The following UBE2L3 variants were observed in gnomAD, a reference collection of about 807,000 sequenced individuals.
UBE2L3 encodes ubiquitin conjugating enzyme E2 L3.
UBE2L3 carries 1 observed loss-of-function variant against 17.8 expected under a neutral mutation model. The observed-to-expected ratio is 0.06, with a 90% CI of 0.02 to 0.27. UBE2L3 has a LOEUF of 0.27. Among genes scored for constraint, UBE2L3 ranks in the 10% least tolerant of loss-of-function variants. UBE2L3 has a pLI of 1.00. For synonymous variants in UBE2L3, 44 were observed against 68.5 expected (o/e 0.64, Z 1.76); for missense variants, 40 against 192.6 (o/e 0.21, Z 4.69).
At chr22:21,615,288 G>T (rs1929704004) in intron 3 of UBE2L3, among the ~76,000 whole-genome samples, 3 of 152,142 alleles carry the variant, frequency 2.0e-5, no homozygotes, top group Non-Finnish European at 1.5e-5. Context: ...GGGCGCGGTG[G>T]CTCACGCCTG....
intron 2 of UBE2L3, among the ~76,000 whole-genome samples, chr22:21,597,014 T>G (rs1928564474): frequency 6.6e-6 from 1 of 151,846 alleles, no homozygotes; most frequent in Non-Finnish European, 1.5e-5. Context: ...GGTCTCACTC[T>G]GTTGCCCAGG....
At chr22:21,616,721 G>A (rs738128) in intron 3 of UBE2L3, among the ~76,000 whole-genome samples, 46,536 of 150,778 alleles carry the variant, frequency 0.31, 8,281 homozygotes, top group East Asian at 0.51. Context: ...GCTACTTGGG[G>A]GGCAAAAAAA....
intron 2 of UBE2L3, among the ~76,000 whole-genome samples, chr22:21,601,490 T>G (rs1399162209): frequency 6.6e-6 from 1 of 151,528 alleles, no homozygotes; most frequent in Non-Finnish European, 1.5e-5. Flanking sequence ...TTTTTTTGTA[T>G]TTTTAGTAGA....
intron 3 of UBE2L3, among the ~76,000 whole-genome samples, chr22:21,618,497 G>A (rs938482492): frequency 2.0e-4 from 30 of 151,982 alleles, no homozygotes; most frequent in African/African-American, 7.2e-4. Context: ...CCTGGGAGGC[G>A]GAGCTTGCAG....
chr22:21,562,662 C>T (rs1403411502), intron 1 of UBE2L3, among the ~76,000 whole-genome samples: 3 of 148,126 alleles, frequency 2.0e-5, no homozygotes, highest in Non-Finnish European at 4.5e-5. Flanking sequence ...TGAGCCACCA[C>T]GCCTGGGCTT....
upstream of UBE2L3, among the ~76,000 whole-genome samples, chr22:21,562,911 G>A (rs1338708462): frequency 6.6e-6 from 1 of 151,634 alleles, no homozygotes; most frequent in Non-Finnish European, 1.5e-5. Context: ...GGAGCAGAAG[G>A]GCCTGGTAGT....
intron 1 of UBE2L3, among the ~76,000 whole-genome samples, chr22:21,590,654 A>G (rs149400379): frequency 1.2e-3 from 185 of 152,012 alleles, no homozygotes; most frequent in Middle Eastern, 6.8e-3. Context: ...TGTGTGGCAT[A>G]TTTTTTTCCT....
At chr22:21,576,295 G>GA (rs1039846754) in intron 1 of UBE2L3, among the ~76,000 whole-genome samples, 16 of 144,164 alleles carry the variant, frequency 1.1e-4, no homozygotes, top group Non-Finnish European at 2.0e-4. Flanking sequence ...TTGCATTTTT[G>GA]TTTTTTTTTG....
chr22:21,583,515 C>T (rs2148413224), intron 1 of UBE2L3, among the ~76,000 whole-genome samples: 1 of 152,316 alleles, frequency 6.6e-6, no homozygotes, highest in Non-Finnish European at 1.5e-5. Context: ...ACTGCTGTGA[C>T]ATCTGAAGCA....
chr22:21,557,781 A>G (rs1388122834), intron 1 of UBE2L3, among the ~76,000 whole-genome samples: 2 of 152,380 alleles, frequency 1.3e-5, no homozygotes, highest in Admixed American at 1.3e-4. Context: ...TTGGCCTTCC[A>G]AAGTGCTGGG....
chr22:21,610,181 T>C (rs1370524199), intron 2 of UBE2L3, among the ~76,000 whole-genome samples: 1 of 152,118 alleles, frequency 6.6e-6, no homozygotes, highest in Non-Finnish European at 1.5e-5. Flanking sequence ...CTTTATATGA[T>C]GGAAAGGGCA....
At position 21,592,032 on chromosome 22, in the gene UBE2L3, T is replaced by C. The variant is rs181073796; in HGVS notation, c.28-829T>C. On this transcript the variant is annotated intron_variant, in intron 1 of 3. Coordinates refer to ENST00000342192, the MANE Select transcript of UBE2L3 (RefSeq NM_003347.4). ...TGGGAAATGTCAGGCTGGTGCACAG[T>C]TGAAAAACAGGTGACAGACAGTTCT... 2.0e-3 allele frequency among the ~76,000 whole-genome samples: 298 copies of C among 152,290 alleles called. 1 individual carries two copies. The highest frequency in any genetic ancestry group is 6.6e-3 in the African/African-American group (276 of 41,550).
chr22:21,622,040 A>C lies in UBE2L3; in HGVS notation c.*371A>C. 2 of 184,414 alleles carry C rather than the reference A, an allele frequency of 1.1e-5. No homozygotes were observed. The highest frequency in any genetic ancestry group is 9.7e-5 in the South Asian group (1 of 10,288). 11.4% of individuals were successfully genotyped at this position (184,414 alleles called of 1,614,324 possible). On this transcript the variant is annotated 3_prime_UTR_variant, in exon 4 of 4. Transcript: ENST00000342192. Reference sequence around the variant, plus strand: ...GTTCCCTTTCTTCCCTACCCTTGCCACTCCCACTTTCTGGCACCGAGTTTA... The same window carrying C: ...GTTCCCTTTCTTCCCTACCCTTGCCCCTCCCACTTTCTGGCACCGAGTTTA...
chr22:21,615,190 A>G (rs1188596571), intron 3 of UBE2L3, among the ~76,000 whole-genome samples: 2 of 152,066 alleles, frequency 1.3e-5, no homozygotes, highest in African/African-American at 4.8e-5. Flanking sequence ...AAAATGGTGT[A>G]TCTCTACAAT....
chr22:21,616,981 C>T (rs1281074343), intron 3 of UBE2L3, among the ~76,000 whole-genome samples: 3 of 151,250 alleles, frequency 2.0e-5, no homozygotes, highest in Non-Finnish European at 4.4e-5. Flanking sequence ...GAGGCCGAGG[C>T]GGGCAGATCA....
At chr22:21,571,366 CTG>C (rs1926952485) in intron 1 of UBE2L3, among the ~76,000 whole-genome samples, 1 of 152,182 alleles carries the variant, frequency 6.6e-6, no homozygotes, top group Admixed American at 6.5e-5. Flanking sequence ...GAGGGGAAAT[CTG>C]TGGATTTAGA....
intron 2 of UBE2L3, among the ~76,000 whole-genome samples, chr22:21,604,412 A>G (rs959752292): frequency 6.6e-6 from 1 of 152,060 alleles, no homozygotes; most frequent in Non-Finnish European, 1.5e-5. Flanking sequence ...GAGACAGGAC[A>G]ATCGTTTGAA....
chr22:21,562,932 G>A (rs903007021), upstream of UBE2L3, among the ~76,000 whole-genome samples: 1 of 145,782 alleles, frequency 6.9e-6, no homozygotes, highest in Non-Finnish European at 1.5e-5. Flanking sequence ...CCAGGAGAAG[G>A]AAGAAGCCAC....
upstream of UBE2L3, among the ~76,000 whole-genome samples, chr22:21,565,217 C>T (rs902715863): frequency 6.6e-6 from 1 of 151,806 alleles, no homozygotes; most frequent in East Asian, 2.0e-4. Flanking sequence ...CTCAGCCTCC[C>T]GAGTAGCTGG....
Sources: allele counts gnomAD v4.1 joint callset (sites outside exome capture counted in the v4.1 genomes callset), GRCh38; gene constraint gnomAD v4.1.1; transcripts MANE v1.5; gene names NCBI Gene and HGNC (gene_info 2026-07-23, HGNC 2026-07-21).